Variants in SAMD12 observed in about 807,000 individuals in gnomAD.
SAMD12 encodes the protein sterile alpha motif domain containing 12.
A neutral mutation model predicts 15.0 loss-of-function variants in SAMD12; 9 were observed. That is an observed-to-expected ratio of 0.60 (90% CI 0.36 to 1.05). The LOEUF is 1.05. SAMD12 is among the 50% of genes least tolerant of loss of function. SAMD12 has a pLI of 0.01. For missense variants in SAMD12, 230 were observed against 234.2 expected, an observed-to-expected ratio of 0.98 and a Z score of 0.12; for synonymous variants, 86 against 90.1, an observed-to-expected ratio of 0.96 and a Z score of 0.25.
chr8:118,561,991 G>T (rs1375143797), intron 2 of SAMD12, among the ~76,000 whole-genome samples: 1 of 151,980 alleles, frequency 6.6e-6, no homozygotes, highest in South Asian at 2.1e-4. Context: ...GAGTATAAAA[G>T]AAAAAAATTA....
At chr8:118,151,205 G>A in the SAMD12 span, among the ~76,000 whole-genome samples, 6 of 151,638 alleles carry the variant, frequency 4.0e-5, no homozygotes, top group South Asian at 2.1e-4. Flanking sequence ...TTTAAAAATC[G>A]TTGTCTTTAT....
At chr8:118,302,891 T>C (rs1042683788) in intron 4 of SAMD12, among the ~76,000 whole-genome samples, 1 of 152,208 alleles carries the variant, frequency 6.6e-6, no homozygotes, top group Non-Finnish European at 1.5e-5. Flanking sequence ...AAAATTATAG[T>C]GAAATTCTCA....
chr8:118,153,696 G>C, the SAMD12 span, among the ~76,000 whole-genome samples: 1 of 152,126 alleles, frequency 6.6e-6, no homozygotes, highest in South Asian at 2.1e-4. Flanking sequence ...TTAGATGGGA[G>C]ATGACCAGAG....
intron 3 of SAMD12, among the ~76,000 whole-genome samples, chr8:118,437,571 G>C (rs1195093976): frequency 6.6e-6 from 1 of 152,070 alleles, no homozygotes; most frequent in Non-Finnish European, 1.5e-5. Flanking sequence ...TCTGAGCCAG[G>C]TACTATTTTC....
chr8:118,497,202 A>G (rs970689249), intron 2 of SAMD12, among the ~76,000 whole-genome samples: 1 of 152,228 alleles, frequency 6.6e-6, no homozygotes, highest in Non-Finnish European at 1.5e-5. Context: ...CATTGGACCC[A>G]GCAATCCCAT....
At chr8:118,593,419 A>T (rs1377621940) in intron 1 of SAMD12, among the ~76,000 whole-genome samples, 1 of 152,200 alleles carries the variant, frequency 6.6e-6, no homozygotes, top group African/African-American at 2.4e-5. Context: ...ATTACTAATA[A>T]CAGCTCAATA....
At chr8:118,460,618 C>G (rs1290424200) in intron 2 of SAMD12, among the ~76,000 whole-genome samples, 4 of 151,860 alleles carry the variant, frequency 2.6e-5, no homozygotes, top group Admixed American at 2.6e-4. Flanking sequence ...AATATCAATG[C>G]AATAAAAACA....
intron 4 of SAMD12, among the ~76,000 whole-genome samples, chr8:118,318,839 T>C (rs1563759486): frequency 6.6e-6 from 1 of 152,220 alleles, no homozygotes; most frequent in East Asian, 1.9e-4. Flanking sequence ...CTTTAGGAGC[T>C]TGAGGGACAA....
intron 4 of SAMD12, among the ~76,000 whole-genome samples, chr8:118,298,528 C>T (rs1258044030): frequency 2.6e-5 from 4 of 152,154 alleles, no homozygotes; most frequent in Non-Finnish European, 5.9e-5. Context: ...ATAACCATTA[C>T]TAATTATTTT....
chr8:118,260,963 C>G (rs1489331458), intron 4 of SAMD12, among the ~76,000 whole-genome samples: 2 of 152,076 alleles, frequency 1.3e-5, no homozygotes, highest in South Asian at 4.2e-4. Context: ...TTAAATTGAG[C>G]CTTCTCTTTC....
chr8:118,336,462 A>G (rs973323747), intron 4 of SAMD12, among the ~76,000 whole-genome samples: 1 of 152,162 alleles, frequency 6.6e-6, no homozygotes, highest in Admixed American at 6.5e-5. Context: ...AATTCCACCC[A>G]TACTGTCTCC....
downstream of SAMD12, among the ~76,000 whole-genome samples, chr8:118,185,786 C>A (rs1040856672): frequency 6.6e-6 from 1 of 152,150 alleles, no homozygotes; most frequent in Non-Finnish European, 1.5e-5. Context: ...GATAGGCTAA[C>A]GGGGTTGAAC....
At chr8:118,262,595 C>T (rs1002916709) in intron 4 of SAMD12, among the ~76,000 whole-genome samples, 11 of 152,034 alleles carry the variant, frequency 7.2e-5, no homozygotes, top group South Asian at 2.1e-4. Flanking sequence ...AATGAGGTGG[C>T]GGCACAGACA....
At chr8:118,182,505 C>A in the SAMD12 span, among the ~76,000 whole-genome samples, 4 of 152,144 alleles carry the variant, frequency 2.6e-5, 1 homozygote, top group Admixed American at 2.6e-4. Context: ...AATGGTGCTA[C>A]ATTTTCTCTG....
chr8:118,223,661 GAAC>G (rs1812128172), intron 4 of SAMD12, among the ~76,000 whole-genome samples: 1 of 152,194 alleles, frequency 6.6e-6, no homozygotes, highest in South Asian at 2.1e-4. Flanking sequence ...GAGTTTCTGA[GAAC>G]AATCAATAGG....
intron 4 of SAMD12, among the ~76,000 whole-genome samples, chr8:118,237,876 T>A (rs1321027394): frequency 8.5e-5 from 13 of 152,166 alleles, no homozygotes; most frequent in Admixed American, 7.9e-4. Context: ...TCTGTTCCAA[T>A]GCACTGCGAG....
chr8:118,558,518 C>G (rs1396524534), intron 2 of SAMD12, among the ~76,000 whole-genome samples: 1 of 152,114 alleles, frequency 6.6e-6, no homozygotes, highest in Non-Finnish European at 1.5e-5. Flanking sequence ...TCCATGGGGT[C>G]TGAGACAGTG....
the SAMD12 span, among the ~76,000 whole-genome samples, chr8:118,133,755 T>C: frequency 6.9e-6 from 1 of 144,538 alleles, no homozygotes. Flanking sequence ...TGGTGGTTGT[T>C]TTTTGCTTCC....
At chr8:118,276,788 T>A (rs565934640) in intron 4 of SAMD12, among the ~76,000 whole-genome samples, 1 of 152,300 alleles carries the variant, frequency 6.6e-6, no homozygotes, top group South Asian at 2.1e-4. Flanking sequence ...GTTTCCTGCC[T>A]CAACTTCCCA....
Sources: allele counts gnomAD v4.1 joint callset (sites outside exome capture counted in the v4.1 genomes callset), GRCh38; gene constraint gnomAD v4.1.1; transcripts MANE v1.5; gene names NCBI Gene and HGNC (gene_info 2026-07-23, HGNC 2026-07-21).